The following DCT variants were observed in gnomAD, a reference collection of about 807,000 sequenced individuals.
DCT encodes dopachrome tautomerase.
A neutral mutation model predicts 53.0 loss-of-function variants in DCT; 47 were observed. That is an observed-to-expected ratio of 0.89 (90% confidence interval 0.70 to 1.13). The LOEUF is 1.13. Ranked by LOEUF, DCT falls within the 50% of genes most tolerant of loss-of-function variation. DCT has a pLI of 0.00. For missense variants in DCT, 669 were observed against 637.4 expected (o/e 1.05, Z -0.53); for synonymous variants, 244 against 237.0 (o/e 1.03, Z -0.27).
At chr13:94,487,015 T>C in the DCT span, among the ~76,000 whole-genome samples, 1 of 152,332 alleles carries the variant, frequency 6.6e-6, no homozygotes, top group South Asian at 2.1e-4. Flanking sequence ...CCTAAAAATT[T>C]GGTATAAGTG....
At chr13:94,464,658 A>C (rs957197632) in intron 4 of DCT, among the ~76,000 whole-genome samples, 5 of 149,442 alleles carry the variant, frequency 3.3e-5, no homozygotes, top group Admixed American at 6.6e-5. Flanking sequence ...AAAAAACAAA[A>C]AACAAAAAAC....
chr13:94,547,980 A>T, the DCT span, among the ~76,000 whole-genome samples: 1,042 of 98,640 alleles, frequency 0.011, 7 homozygotes, highest in Middle Eastern at 0.024. Context: ...AAAAAAAAAA[A>T]AAAAATATAT....
the DCT span, among the ~76,000 whole-genome samples, chr13:94,499,277 G>A: frequency 3.3e-5 from 5 of 152,258 alleles, no homozygotes; most frequent in East Asian, 9.7e-4. Flanking sequence ...TCACCGTGAA[G>A]GTCTGCGGCT....
chr13:94,547,984 A>AAAAAAAAAAAATATATAT, the DCT span, among the ~76,000 whole-genome samples: 3 of 65,820 alleles, frequency 4.6e-5, no homozygotes, highest in African/African-American at 3.9e-4. Flanking sequence ...AAAAAAAAAA[A>AAAAAAAAAAAATATATAT]ATATATATAT....
At chr13:94,497,215 C>A in the DCT span, among the ~76,000 whole-genome samples, 1 of 152,152 alleles carries the variant, frequency 6.6e-6, no homozygotes, top group South Asian at 2.1e-4. Context: ...AAAGAATGAC[C>A]TCCCCTGAGC....
chr13:94,480,562 C>T (rs376426633), upstream of DCT, among the ~76,000 whole-genome samples: 26 of 152,298 alleles, frequency 1.7e-4, no homozygotes, highest in East Asian at 1.3e-3. Flanking sequence ...AAGCAAATTC[C>T]TAAGGTGAAA....
rs762456842 is a variant in DCT at position 94,460,174 on chromosome 13, T to C, written c.1096A>G (p.Met366Val). ...GAATGAACCAAATTATGAAGGCTCA[T>C]CACTTGAGAATCCAGAGTCCCATCT... is the stretch of plus-strand genomic sequence containing the variant. ...KADGTLDSQV[M>V]SLHNLVHSFL... is the part of the protein sequence containing the mutation. The change falls in exon 6 of 8, where the codon ATG becomes GTG. Residue 366 changes from methionine to valine, a missense_variant. Met to Val is a conservative substitution (Grantham distance 21, BLOSUM62 1). Transcript: ENST00000377028. 1.1e-5 allele frequency: 17 copies of C among 1,613,884 alleles called. No homozygotes were observed. Among genetic ancestry groups the C allele is most frequent in the Non-Finnish European group, 1.4e-5 (16 of 1,179,884 alleles).
At chr13:94,499,918 G>A in the DCT span, among the ~76,000 whole-genome samples, 1 of 152,112 alleles carries the variant, frequency 6.6e-6, no homozygotes, top group Non-Finnish European at 1.5e-5. Context: ...ATATATTTAA[G>A]GCATACAATA....
the DCT span, among the ~76,000 whole-genome samples, chr13:94,525,384 G>A: frequency 3.9e-5 from 6 of 152,170 alleles, no homozygotes; most frequent in Admixed American, 6.5e-5. Flanking sequence ...TTACAGGCCT[G>A]AGGCACCATG....
chr13:94,487,431 T>C, the DCT span, among the ~76,000 whole-genome samples: 6 of 152,252 alleles, frequency 3.9e-5, no homozygotes, highest in Non-Finnish European at 8.8e-5. Context: ...TGTATGTTCA[T>C]GACATACTGA....
At chr13:94,523,550 C>A in the DCT span, among the ~76,000 whole-genome samples, 1 of 152,296 alleles carries the variant, frequency 6.6e-6, no homozygotes, top group Non-Finnish European at 1.5e-5. Flanking sequence ...CTGGATTAGT[C>A]AATCTCTTTC....
upstream of DCT, among the ~76,000 whole-genome samples, chr13:94,483,249 T>C (rs919689368): frequency 2.6e-5 from 4 of 151,408 alleles, no homozygotes; most frequent in Non-Finnish European, 5.9e-5. Context: ...CACTCCAGCC[T>C]GCAGAAAGGA....
At chr13:94,522,413 C>T in the DCT span, among the ~76,000 whole-genome samples, 6 of 152,166 alleles carry the variant, frequency 3.9e-5, no homozygotes, top group African/African-American at 1.4e-4. Context: ...AGTTTTAGAA[C>T]TCGGACTGGC....
the DCT span, among the ~76,000 whole-genome samples, chr13:94,526,572 G>T: frequency 2.0e-5 from 3 of 152,270 alleles, no homozygotes; most frequent in Non-Finnish European, 4.4e-5. Flanking sequence ...CAAGGTTGCA[G>T]TGAGCTATGA....
chr13:94,525,677 A>G, the DCT span, among the ~76,000 whole-genome samples: 4 of 152,124 alleles, frequency 2.6e-5, no homozygotes, highest in Non-Finnish European at 5.9e-5. Context: ...AAGATTACTG[A>G]AAAGATTTTC....
chr13:94,521,393 G>A, the DCT span, among the ~76,000 whole-genome samples: 3 of 152,190 alleles, frequency 2.0e-5, no homozygotes, highest in Non-Finnish European at 4.4e-5. Flanking sequence ...TTTAGTGGCC[G>A]GGCACGGTGG....
intron 7 of DCT, among the ~76,000 whole-genome samples, chr13:94,441,741 C>A (rs541212240): frequency 6.6e-6 from 1 of 152,264 alleles, no homozygotes; most frequent in East Asian, 1.9e-4. Flanking sequence ...TTTATTCATT[C>A]ATCCACTAAC....
At chr13:94,529,013 T>G in the DCT span, among the ~76,000 whole-genome samples, 1 of 152,266 alleles carries the variant, frequency 6.6e-6, no homozygotes, top group Non-Finnish European at 1.5e-5. Flanking sequence ...AAACAGACTT[T>G]AAACCAACAA....
At chr13:94,448,763 G>A (rs931867961) in intron 6 of DCT, among the ~76,000 whole-genome samples, 35 of 152,040 alleles carry the variant, frequency 2.3e-4, no homozygotes, top group African/African-American at 8.2e-4. Context: ...CATTAGCTGG[G>A]TGTGGTGGCG....
Sources: allele counts gnomAD v4.1 joint callset (sites outside exome capture counted in the v4.1 genomes callset), GRCh38; gene constraint gnomAD v4.1.1; transcripts MANE v1.5; gene names NCBI Gene and HGNC (gene_info 2026-07-23, HGNC 2026-07-21).